Variants in RIPOR3 observed in about 807,000 individuals in gnomAD.
RIPOR3 encodes the protein family with sequence similarity 65 member C.
In RIPOR3, 95 loss-of-function variants were observed where a neutral mutation model predicts 114.3. The ratio of observed to expected loss-of-function variants is 0.83; its 90% CI spans 0.70 to 0.99. The LOEUF (loss-of-function observed/expected upper bound fraction) is 0.99, where lower values mean the gene tolerates loss of function less well. Among genes scored for constraint, RIPOR3 ranks in the 50% least tolerant of loss-of-function variants. The pLI, the probability that RIPOR3 is intolerant of heterozygous loss-of-function variation, is 0.00. For missense variants in RIPOR3, 1,252 were observed against 1,266.9 expected (o/e 0.99, Z 0.18); for synonymous variants, 575 against 543.8 (o/e 1.06, Z -0.80).
chr20:50,611,056 C>G, intron 5 of RIPOR3, 125 bp downstream of exon 5: 1 of 1,556,586 alleles, frequency 6.4e-7, no homozygotes, highest in Non-Finnish European at 8.8e-7. Context: ...CTCAGCCTTC[C>G]CATTCCTAAA....
chr20:50,657,245 G>A (rs2085843318), intron 1 of RIPOR3, among the ~76,000 whole-genome samples: 1 of 152,232 alleles, frequency 6.6e-6, no homozygotes, highest in Non-Finnish European at 1.5e-5. Flanking sequence ...GAAAGAGAGA[G>A]GCTGGGCATG....
chr20:50,663,839 G>A lies in RIPOR3; in HGVS notation c.3+27287C>T, dbSNP rs183858779. Among the ~76,000 whole-genome samples the A allele has an allele frequency of 9.0e-4, 137 of 151,818 alleles. 1 individual carries two copies. Among genetic ancestry groups the A allele is most frequent in the Middle Eastern group, 6.8e-3 (2 of 292 alleles). On this transcript the variant is annotated intron_variant, in intron 1 of 21. Transcript: ENST00000327979. ...AAACACCTCACCTCTCTCACAATTT[G>A]AGAATGGCTGTCAACTCGAGCACAT...
intron 1 of RIPOR3, among the ~76,000 whole-genome samples, chr20:50,688,443 C>T (rs1006622609): frequency 6.6e-6 from 1 of 152,214 alleles, no homozygotes; most frequent in Non-Finnish European, 1.5e-5. Flanking sequence ...GCATGAGTCA[C>T]CACACTCAGC....
At chr20:50,639,145 G>A (rs2085102440) in intron 1 of RIPOR3, among the ~76,000 whole-genome samples, 1 of 152,070 alleles carries the variant, frequency 6.6e-6, no homozygotes, top group African/African-American at 2.4e-5. Flanking sequence ...GGGAAGCTGA[G>A]GCAGGAGAAT....
In RIPOR3 at chr20:50,597,584, G is replaced by A. The variant is rs749791315; in HGVS notation, c.1786C>T (p.Leu596Phe). The A allele has an allele frequency of 1.8e-5, 29 of 1,605,092 alleles. No homozygotes were observed. Among genetic ancestry groups the A allele is most frequent in the Non-Finnish European group, 2.5e-5 (29 of 1,175,980 alleles). Residue 596 changes from leucine (L) to phenylalanine (F), a missense_variant, in exon 14 of 22, where the codon CTC (leucine) becomes TTC (phenylalanine). Transcript: ENST00000327979. The part of the protein sequence containing the change: ...ELSLFGGSQG[L>F]RKDRPLPPPS... Reference sequence around the variant, plus strand: ...GCTGGAAGGAGGTGCACTCACCGGAGACCCTGGGAGCCCCCAAACAGGGAC... The same window carrying A: ...GCTGGAAGGAGGTGCACTCACCGGAAACCCTGGGAGCCCCCAAACAGGGAC...
rs368206750 is a variant in RIPOR3 at position 50,597,644 on chromosome 20, C to T, written c.1726G>A (p.Ala576Thr). ...AGGGCGAAGTCGGCATTGAGGAAGG[C>T]GAAGCTCTCCAGGATGCACTCCATC... is the stretch of plus-strand genomic sequence containing the variant. ...SLMECILESF[A>T]FLNADFALDE... Residue 576 changes from alanine to threonine, a missense_variant, in exon 14 of 22, where the codon GCC (alanine) becomes ACC (threonine). By Grantham distance (58) the Ala-to-Thr change is moderately conservative. Transcript: ENST00000327979. The T allele has an allele frequency of 5.6e-6, 9 of 1,611,998 alleles. No individual in the cohort carries two copies. Among genetic ancestry groups the T allele is most frequent in the African/African-American group, 2.7e-5 (2 of 74,868 alleles).
At chr20:50,622,164 C>T (rs182308160) in intron 2 of RIPOR3, among the ~76,000 whole-genome samples, 45 of 151,766 alleles carry the variant, frequency 3.0e-4, no homozygotes, top group African/African-American at 1.0e-3. Context: ...ACTCTTAGAT[C>T]TAACTTTGGC....
chr20:50,610,442 C>T lies in RIPOR3; in HGVS notation c.426+411G>A, dbSNP rs567770054. Among the ~76,000 whole-genome samples the T allele has an allele frequency of 2.4e-4, 37 of 152,282 alleles. 1 individual carries two copies. In the South Asian group the frequency reaches 5.4e-3, roughly 22 times the overall value. ...GGGGAGTAAAGCAAGATCATGAAACCGTTTGCAGACTCTAAAGCTTACAGA... is the reference window on the plus strand; with the variant it reads ...GGGGAGTAAAGCAAGATCATGAAACTGTTTGCAGACTCTAAAGCTTACAGA... On this transcript the variant is annotated intron_variant, in intron 6 of 21. Transcript: ENST00000327979.
rs372147894 is a variant in RIPOR3 at position 50,608,379 on chromosome 20, C to T, written c.956+10G>A. The stretch of plus-strand genomic sequence containing the variant: ...AGGCCTCCGCTCTCCCCAGGCTGGA[C>T]GGGACTCACTTCCACTGCACCTCCA... On this transcript the variant is annotated intron_variant, in intron 11 of 21. Transcript: ENST00000327979. 85 of 1,613,590 alleles carry T rather than the reference C, an allele frequency of 5.3e-5. No homozygotes were observed. The highest frequency in any genetic ancestry group is 2.3e-4 in the South Asian group (21 of 91,076).
chr20:50,624,713 C>G (rs1269026237), intron 2 of RIPOR3, among the ~76,000 whole-genome samples: 1 of 152,220 alleles, frequency 6.6e-6, no homozygotes, highest in African/African-American at 2.4e-5. Context: ...TATTAAACAG[C>G]CCCTGGCATG....
At position 50,602,001 on chromosome 20, in the gene RIPOR3, C is replaced by T; in HGVS notation, c.1659+71G>A. ...GATGTCGGCCCAGGCTGCGTGGCCCCAGAGCCCCCGACTCCCAGTCATCAT... is the reference window on the plus strand; with the variant it reads ...GATGTCGGCCCAGGCTGCGTGGCCCTAGAGCCCCCGACTCCCAGTCATCAT... On this transcript the variant is annotated intron_variant, in intron 13 of 21. Transcript: ENST00000327979. The surrounding 1 kb of genome is among the most constrained non-coding windows in gnomAD (Gnocchi z 4.3). The T allele has an allele frequency of 4.3e-6, 6 of 1,396,560 alleles. No homozygotes were observed. Among genetic ancestry groups the T allele is most frequent in the Non-Finnish European group, 5.6e-6 (6 of 1,064,422 alleles). 86.5% of individuals were successfully genotyped at this position (1,396,560 alleles called of 1,614,324 possible).
chr20:50,587,295 C>G lies in RIPOR3; in HGVS notation c.2790G>C (p.Lys930Asn), dbSNP rs753005278. ...KGRLAFEKMD[K>N]LCSEQREVFC... is the part of the protein sequence containing the mutation. Reference sequence around the variant, plus strand: ...AGACTTCTCTTTGTTCTGAGCAGAGCTTGTCCATCTTCTCAAAAGCTAACC... The same window carrying G: ...AGACTTCTCTTTGTTCTGAGCAGAGGTTGTCCATCTTCTCAAAAGCTAACC... The change falls in exon 22 of 22, where the codon AAG becomes AAC. Residue 930 changes from lysine to asparagine, a missense_variant. Lys to Asn is a moderately conservative substitution (Grantham distance 94, BLOSUM62 0). Transcript: ENST00000327979. 6.2e-7 allele frequency: 1 copy of G among 1,614,200 alleles called. No homozygotes were observed. The highest frequency in any genetic ancestry group is 8.5e-7 in the Non-Finnish European group (1 of 1,180,028).
intron 1 of RIPOR3, among the ~76,000 whole-genome samples, chr20:50,637,898 T>C (rs1013614688): frequency 9.9e-5 from 15 of 151,848 alleles, no homozygotes; most frequent in East Asian, 1.9e-4. Context: ...TTTAAATAAA[T>C]AAATACATAA....
intron 11 of RIPOR3, among the ~76,000 whole-genome samples, chr20:50,605,196 G>C (rs966319370): frequency 2.0e-5 from 3 of 152,136 alleles, no homozygotes; most frequent in African/African-American, 7.2e-5. Context: ...GCCTCCCAAA[G>C]TGCTGGGATT....
chr20:50,656,417 T>C (rs961795691), intron 1 of RIPOR3, among the ~76,000 whole-genome samples: 1 of 152,174 alleles, frequency 6.6e-6, no homozygotes, highest in Non-Finnish European at 1.5e-5. Flanking sequence ...ATATAGAGCT[T>C]AGTGAAGGTT....
At position 50,597,582 on chromosome 20, in the gene RIPOR3, G is replaced by C. The variant is rs778195075; in HGVS notation, c.1788C>G (p.Leu596=). 25 of 1,604,376 alleles carry C rather than the reference G, an allele frequency of 1.6e-5. No individual in the cohort carries two copies. In the South Asian group the frequency reaches 2.5e-4, roughly 16 times the overall value. Residue 596 remains leucine, a splice_region_variant and synonymous_variant, in exon 14 of 22, where the codon CTC becomes CTG. Coordinates refer to ENST00000327979, the MANE Select transcript of RIPOR3 (RefSeq NM_001290268.2). ...ELSLFGGSQG[L]RKDRPLPPPS... Reference sequence around the variant, plus strand: ...CTGCTGGAAGGAGGTGCACTCACCGGAGACCCTGGGAGCCCCCAAACAGGG... The same window carrying C: ...CTGCTGGAAGGAGGTGCACTCACCGCAGACCCTGGGAGCCCCCAAACAGGG...
At position 50,642,379 on chromosome 20, in the gene RIPOR3, A is replaced by T. The variant is rs575531780; in HGVS notation, c.4-11523T>A. On this transcript the variant is annotated intron_variant, in intron 1 of 21. Coordinates refer to ENST00000327979, the MANE Select transcript of RIPOR3 (RefSeq NM_001290268.2). Reference sequence around the variant, plus strand: ...GTGTGTGTGTGTGTGTGTGTGTGTGAGAGAGAGAGAAACAGGGAGAGAGAT... The same window carrying T: ...GTGTGTGTGTGTGTGTGTGTGTGTGTGAGAGAGAGAAACAGGGAGAGAGAT... Among the ~76,000 whole-genome samples, 53 of 141,174 alleles carry T rather than the reference A, an allele frequency of 3.8e-4. No individual in the cohort carries two copies. In the Middle Eastern group the frequency reaches 0.015, roughly 41 times the overall value. The allele number at this position is 141,174 out of a possible 152,430, so 92.6% of individuals were successfully genotyped here.
At position 50,609,273 on chromosome 20, in the gene RIPOR3, C is replaced by T. The variant is rs2083855304; in HGVS notation, c.640+20G>A. 6.2e-7 allele frequency: 1 copy of T among 1,612,554 alleles called. No individual in the cohort carries two copies. The highest frequency in any genetic ancestry group is 8.5e-7 in the Non-Finnish European group (1 of 1,179,034). The stretch of plus-strand genomic sequence containing the variant: ...GGGCCTCCAGAAAGGCCTCCGCCCA[C>T]CCCCTCTCAGCCCTGTTACCTTTCA... On this transcript the variant is annotated intron_variant, in intron 8 of 21. Transcript: ENST00000327979.
At chr20:50,681,368 G>A (rs1420910890) in intron 1 of RIPOR3, among the ~76,000 whole-genome samples, 1 of 152,078 alleles carries the variant, frequency 6.6e-6, no homozygotes, top group South Asian at 2.1e-4. Flanking sequence ...ACTGCTCAGA[G>A]GTATACAGTG....
Sources: allele counts gnomAD v4.1 joint callset (sites outside exome capture counted in the v4.1 genomes callset), GRCh38; gene constraint gnomAD v4.1.1; non-coding constraint Gnocchi (gnomAD v3.1); transcripts MANE v1.5; gene names NCBI Gene and HGNC (gene_info 2026-07-23, HGNC 2026-07-21).